The following ACACA variants were observed in gnomAD, a reference collection of about 807,000 sequenced individuals.
ACACA encodes acetyl-CoA carboxylase alpha.
Under a neutral mutation model 296.1 loss-of-function variants are expected in ACACA, and 103 were observed. The observed-to-expected ratio is 0.35, with a 90% confidence interval of 0.30 to 0.41. The LOEUF (loss-of-function observed/expected upper bound fraction) is 0.41. ACACA is among the 10% of genes least tolerant of loss of function. The probability of loss-of-function intolerance (pLI) is 1.00; values close to 1 mark genes in which losing one functional copy is unlikely to be tolerated. For missense variants in ACACA, 1,554 were observed against 2,989.7 expected, an observed-to-expected ratio of 0.52 and a Z score of 11.20; for synonymous variants, 953 against 1,038.6, an observed-to-expected ratio of 0.92 and a Z score of 1.58.
intron 35 of ACACA, among the ~76,000 whole-genome samples, chr17:37,197,981 G>T (rs1264568196): frequency 2.0e-5 from 3 of 152,288 alleles, no homozygotes; most frequent in Non-Finnish European, 4.4e-5. Context: ...GACAATGATT[G>T]TCACGGAAGA....
Position 37,276,014 on chromosome 17 carries a change from T to A in ACACA, c.838A>T (p.Lys280Ter). The A allele has an allele frequency of 6.2e-7, 1 of 1,614,214 alleles. No individual in the cohort carries two copies. The highest frequency in any genetic ancestry group is 8.5e-7 in the Non-Finnish European group (1 of 1,180,028). ...PSQAMWALGD[K>*]IASSIVAQTA... Reference sequence around the variant, plus strand: ...TGAGCCACTATGGAAGATGCAATCTTATCCCCTAAAGCCCACATGGCCTGG... The same window carrying A: ...TGAGCCACTATGGAAGATGCAATCTAATCCCCTAAAGCCCACATGGCCTGG... Residue 280 changes from lysine (K) to a stop codon, truncating the protein, a stop_gained, in exon 8 of 56, where the codon AAG becomes TAG. Coordinates refer to ENST00000616317, the MANE Select transcript of ACACA (RefSeq NM_198834.3). LOFTEE classifies it high-confidence loss of function.
At chr17:37,231,517 C>T (rs1371247107) in intron 25 of ACACA, among the ~76,000 whole-genome samples, 2 of 152,130 alleles carry the variant, frequency 1.3e-5, no homozygotes, top group Non-Finnish European at 2.9e-5. Flanking sequence ...CTGAGAAAGA[C>T]TTTTCTTCTT....
intron 47 of ACACA, 124 bp from the exon 48 acceptor site, chr17:37,125,918 T>G: frequency 1.3e-6 from 1 of 788,634 alleles, no homozygotes; most frequent in Non-Finnish European, 2.2e-6. Context: ...TTTAACCAAA[T>G]TATAATAGAT....
At chr17:37,311,555 T>C (rs1282925137) in intron 3 of ACACA, among the ~76,000 whole-genome samples, 1 of 152,160 alleles carries the variant, frequency 6.6e-6, no homozygotes, top group African/African-American at 2.4e-5. Context: ...TAAAATAATG[T>C]GGCAAAGCTA....
intron 1 of ACACA, among the ~76,000 whole-genome samples, chr17:37,359,922 G>T (rs1268832745): frequency 6.6e-6 from 1 of 151,936 alleles, no homozygotes; most frequent in Non-Finnish European, 1.5e-5. Context: ...GTAAGAAGGG[G>T]AATGTACCAA....
chr17:37,151,147 T>C (rs189725867), intron 44 of ACACA, among the ~76,000 whole-genome samples, 154 bp downstream of exon 44: 201 of 152,334 alleles, frequency 1.3e-3, no homozygotes, highest in African/African-American at 4.3e-3. Context: ...TATTATCCTA[T>C]CTTCCTATTA....
At chr17:37,147,021 G>A (rs2075840295) in intron 45 of ACACA, among the ~76,000 whole-genome samples, 1 of 152,026 alleles carries the variant, frequency 6.6e-6, no homozygotes, top group Non-Finnish European at 1.5e-5. Flanking sequence ...TTTCAAAGGG[G>A]TCAACAGGAT....
At chr17:37,265,606 G>A (rs2081728134) in intron 10 of ACACA, among the ~76,000 whole-genome samples, 1 of 152,170 alleles carries the variant, frequency 6.6e-6, no homozygotes, top group Non-Finnish European at 1.5e-5. Flanking sequence ...GTTCAAAGAG[G>A]AGGAAATAGG....
intron 51 of ACACA, among the ~76,000 whole-genome samples, chr17:37,112,640 C>T (rs1239994316): frequency 6.6e-6 from 1 of 152,160 alleles, no homozygotes; most frequent in Non-Finnish European, 1.5e-5. Flanking sequence ...GACAGTGAAA[C>T]TACTGGACTC....
intron 7 of ACACA, 86 bp downstream of exon 7, chr17:37,276,947 A>T: frequency 1.7e-6 from 2 of 1,170,584 alleles, no homozygotes; most frequent in Non-Finnish European, 2.6e-6. Context: ...AGCACATGTT[A>T]AACAGAAAAT....
At chr17:37,128,272 C>T (rs2074922169) in intron 47 of ACACA, among the ~76,000 whole-genome samples, 1 of 152,068 alleles carries the variant, frequency 6.6e-6, no homozygotes, top group African/African-American at 2.4e-5. Context: ...TTGTACGAAT[C>T]ACTCAACTTC....
Position 37,097,961 on chromosome 17 carries a change from C to CAGCTGTGCTT in ACACA, c.6579_6588dup (p.Glu2197LysfsTer4), listed in dbSNP as rs770716215. 5.0e-6 allele frequency: 8 copies of CAGCTGTGCTT among 1,614,090 alleles called. No homozygotes were observed. The highest frequency in any genetic ancestry group is 8.5e-7 in the Non-Finnish European group (1 of 1,180,040). ...AACTTGTTCTCCAACTCCTTCCGCT[C>CAGCTGTGCTT]AGCTGTGCTTAGCTCTGGGGTCCCT... On this transcript the variant is annotated frameshift_variant, in exon 53 of 56. Coordinates refer to ENST00000616317, the MANE Select transcript of ACACA (RefSeq NM_198834.3). LOFTEE classifies it high-confidence loss of function. This position sits in a 1 kb window ranked among gnomAD's most constrained non-coding sequence, Gnocchi z 4.8.
At chr17:37,255,813 C>G (rs1217270657) in intron 14 of ACACA, among the ~76,000 whole-genome samples, 1 of 152,144 alleles carries the variant, frequency 6.6e-6, no homozygotes, top group Non-Finnish European at 1.5e-5. Flanking sequence ...ATGGCGTGAT[C>G]TTGGCTCACT....
intron 29 of ACACA, among the ~76,000 whole-genome samples, chr17:37,217,731 T>A (rs2079079058): frequency 3.4e-5 from 2 of 58,208 alleles, no homozygotes; most frequent in African/African-American, 8.6e-5. Flanking sequence ...TGAGACTCCA[T>A]CTCAAAAAAA....
At chr17:37,217,784 A>G (rs961813399) in intron 29 of ACACA, among the ~76,000 whole-genome samples, 24 of 149,300 alleles carry the variant, frequency 1.6e-4, no homozygotes, top group African/African-American at 5.5e-4. Context: ...TTCTCCCCCA[A>G]TAATTTTTGG....
chr17:37,347,745 TAA>T (rs1200225097), intron 1 of ACACA, among the ~76,000 whole-genome samples: 16 of 101,766 alleles, frequency 1.6e-4, no homozygotes, highest in East Asian at 2.8e-4. Context: ...CCTACTTACG[TAA>T]AAAAAAAAAA....
intron 31 of ACACA, 142 bp from the exon 32 acceptor site, chr17:37,207,021 G>A: frequency 1.3e-6 from 1 of 777,658 alleles, no homozygotes; most frequent in Non-Finnish European, 2.2e-6. Context: ...GTGGCTAGAG[G>A]TGACATGCAA....
At chr17:37,336,518 A>C (rs2048126380) in intron 2 of ACACA, among the ~76,000 whole-genome samples, 1 of 152,176 alleles carries the variant, frequency 6.6e-6, no homozygotes, top group African/African-American at 2.4e-5. Flanking sequence ...AGGCAAAAAC[A>C]GGAGATAAAG....
intron 54 of ACACA, among the ~76,000 whole-genome samples, chr17:37,095,621 C>G (rs1040543433): frequency 2.6e-5 from 4 of 152,082 alleles, no homozygotes; most frequent in Non-Finnish European, 5.9e-5. Context: ...AGCCACCCAG[C>G]CCTCCATCAA....
Sources: allele counts gnomAD v4.1 joint callset (sites outside exome capture counted in the v4.1 genomes callset), GRCh38; gene constraint gnomAD v4.1.1; non-coding constraint Gnocchi (gnomAD v3.1); transcripts MANE v1.5; gene names NCBI Gene and HGNC (gene_info 2026-07-23, HGNC 2026-07-21).